The following SEC14L3 variants were observed in gnomAD, a reference collection of about 807,000 sequenced individuals.
SEC14L3 encodes the protein SEC14-like protein 3.
SEC14L3 carries 56 observed loss-of-function variants against 57.4 expected under a neutral mutation model. The ratio of observed to expected loss-of-function variants is 0.97; its 90% CI spans 0.79 to 1.22. The LOEUF (loss-of-function observed/expected upper bound fraction) is 1.22, where lower values mean the gene tolerates loss of function less well. Among genes scored for constraint, SEC14L3 ranks in the 50% most tolerant of loss-of-function variants. The pLI is 0.00. For synonymous variants in SEC14L3, 173 were observed against 194.4 expected (o/e 0.89, Z 0.92); for missense variants, 485 against 511.7 (o/e 0.95, Z 0.50).
At chr22:30,449,910 C>G (rs564491307) in intron 12 of SEC14L3, among the ~76,000 whole-genome samples, 1 of 152,082 alleles carries the variant, frequency 6.6e-6, no homozygotes, top group East Asian at 1.9e-4. Context: ...AGGAAATACT[C>G]CTGGATCAGG....
downstream of SEC14L3, among the ~76,000 whole-genome samples, chr22:30,457,377 C>CTTT (rs60894978): frequency 7.3e-6 from 1 of 136,656 alleles, no homozygotes; most frequent in Non-Finnish European, 1.6e-5. Context: ...TTAAGTATGT[C>CTTT]TTTTTTTTTT....
chr22:30,469,628 G>T (rs1935536276), intron 4 of SEC14L3, among the ~76,000 whole-genome samples: 1 of 152,206 alleles, frequency 6.6e-6, no homozygotes, highest in Non-Finnish European at 1.5e-5. Flanking sequence ...GCCTTAGGGG[G>T]CAGGGGTGCA....
At chr22:30,455,074 A>T (rs867368597), downstream of SEC14L3, among the ~76,000 whole-genome samples, 19 of 62,252 alleles carry the variant, frequency 3.1e-4, no homozygotes, top group South Asian at 4.4e-3. Flanking sequence ...TATAATATAT[A>T]ATATATTAAA....
At chr22:30,461,744 C>G in intron 9 of SEC14L3, 50 bp from the exon 10 acceptor site, 1 of 1,573,260 alleles carries the variant, frequency 6.4e-7, no homozygotes, top group South Asian at 1.2e-5. Context: ...GGCCATTGTT[C>G]ATGTTTCTTC....
At chr22:30,468,063 A>G (rs1168515970) in intron 5 of SEC14L3, among the ~76,000 whole-genome samples, 2 of 151,928 alleles carry the variant, frequency 1.3e-5, no homozygotes, top group African/African-American at 2.4e-5. Flanking sequence ...GGTGGATCAC[A>G]AGGTCAGGAG....
intron 12 of SEC14L3, among the ~76,000 whole-genome samples, chr22:30,453,937 G>A (rs1397909938): frequency 1.3e-5 from 2 of 152,174 alleles, no homozygotes; most frequent in East Asian, 1.9e-4. Context: ...AGGGGGCCTA[G>A]GCACTAACAG....
exon 13 of SEC14L3, chr22:30,449,091 T>C: frequency 6.4e-7 from 1 of 1,550,564 alleles, no homozygotes; most frequent in Non-Finnish European, 8.7e-7. Flanking sequence ...CAAAAATTAG[T>C]TACTGGCAGG....
chr22:30,471,762 T>C (rs929422127), intron 1 of SEC14L3, 143 bp downstream of exon 1: 5 of 1,214,364 alleles, frequency 4.1e-6, no homozygotes, highest in Non-Finnish European at 5.9e-6. Flanking sequence ...ACCGTGGGGC[T>C]TGACCCTTTG....
rs1478788492 is a variant in SEC14L3 at position 30,470,593 on chromosome 22, A to T, written c.55-11T>A. 1 of 1,614,142 alleles carries T rather than the reference A, an allele frequency of 6.2e-7. No individual in the cohort carries two copies. On this transcript the variant is annotated splice_polypyrimidine_tract_variant and intron_variant, in intron 1 of 11. Coordinates refer to ENST00000215812, the MANE Select transcript of SEC14L3 (RefSeq NM_174975.5). ...GACGTTTTCTCGGAACTGGCAAGAG[A>T]GATGCTGGTTAAAGTGGCTCTCTCA...
At chr22:30,458,316 G>A (rs1935154717), downstream of SEC14L3, among the ~76,000 whole-genome samples, 1 of 152,170 alleles carries the variant, frequency 6.6e-6, no homozygotes, top group Non-Finnish European at 1.5e-5. Context: ...GATGCCATGT[G>A]AGCAGCGGAC....
At chr22:30,465,590 A>G (rs571919341) in intron 7 of SEC14L3, among the ~76,000 whole-genome samples, 8 of 152,330 alleles carry the variant, frequency 5.3e-5, no homozygotes, top group African/African-American at 1.9e-4. Context: ...CCAAACAACA[A>G]ACCAGGCAAC....
At position 30,459,313 on chromosome 22, in the gene SEC14L3, A is replaced by G. The variant is rs896119809; in HGVS notation, c.*708T>C. 2.0e-6 allele frequency: 2 copies of G among 985,340 alleles called. No homozygotes were observed. The highest frequency in any genetic ancestry group is 1.7e-5 in the African/African-American group (1 of 57,250). 61.0% of individuals were successfully genotyped at this position (985,340 alleles called of 1,614,324 possible). A position where few individuals can be genotyped will look rare whatever the true frequency, so the allele number is the denominator to read the frequency against. On this transcript the variant is annotated 3_prime_UTR_variant, in exon 12 of 12. Transcript: ENST00000215812. ...GTCCCTAAAACATAAGCTATGTGCA[A>G]CAAGGGAAGTGGGTTAGGGTGGGAA...
At position 30,448,911 on chromosome 22, in the gene SEC14L3, C is replaced by T. The variant is rs1380760456; in HGVS notation, c.*176G>A. The T allele has an allele frequency of 1.5e-5, 9 of 605,124 alleles. No individual in the cohort carries two copies. In the South Asian group the frequency reaches 1.5e-4, roughly 10 times the overall value. The allele number at this position is 605,124 out of a possible 1,614,324, so 37.5% of individuals were successfully genotyped here. On this transcript the variant is annotated 3_prime_UTR_variant, in exon 13 of 13. Transcript: ENST00000403066. ...TGTCTCTAAAAAACAAACAAACAAA[C>T]CTCCAAAACTTCTTTCCCTTCCTTG...
At chr22:30,448,970 C>T (rs1051624275) in exon 13 of SEC14L3, 2 of 942,668 alleles carry the variant, frequency 2.1e-6, no homozygotes, top group Non-Finnish European at 3.2e-6. Flanking sequence ...TAGATAACCC[C>T]TCTTAGAAGC....
At chr22:30,455,062 T>C (rs1176420081), downstream of SEC14L3, among the ~76,000 whole-genome samples, 2 of 35,218 alleles carry the variant, frequency 5.7e-5, no homozygotes, top group Non-Finnish European at 8.0e-5. Context: ...CAATATATTA[T>C]ATATAATATA....
At position 30,459,800 on chromosome 22, in the gene SEC14L3, CT is replaced by C. The variant is rs1935193486; in HGVS notation, c.*220del. 8.1e-7 allele frequency: 1 copy of C among 1,227,022 alleles called. No homozygotes were observed. The highest frequency in any genetic ancestry group is 3.3e-5 in the East Asian group (1 of 30,518). 76.0% of individuals were successfully genotyped at this position (1,227,022 alleles called of 1,614,324 possible). ...CACCCACTTCTTGCCTTTACCCTTG[CT>C]TTTTCCTCTTCTGCAACCTTGGTAC... On this transcript the variant is annotated 3_prime_UTR_variant, in exon 12 of 12. Coordinates refer to ENST00000215812, the MANE Select transcript of SEC14L3 (RefSeq NM_174975.5).
chr22:30,448,772 G>A (rs1934926504), exon 13 of SEC14L3: 1 of 266,632 alleles, frequency 3.8e-6, no homozygotes, highest in Non-Finnish European at 7.1e-6. Flanking sequence ...TGTACCTGTG[G>A]TCTCAGCCAC....
chr22:30,457,377 CTTTTTT>C (rs60894978), downstream of SEC14L3, among the ~76,000 whole-genome samples: 1,512 of 136,616 alleles, frequency 0.011, 60 homozygotes, highest in African/African-American at 0.027. Flanking sequence ...TTAAGTATGT[CTTTTTT>C]TTTTTTTTTT....
chr22:30,450,565 A>AT (rs1934961932), intron 12 of SEC14L3, among the ~76,000 whole-genome samples: 1 of 152,074 alleles, frequency 6.6e-6, no homozygotes, highest in Non-Finnish European at 1.5e-5. Flanking sequence ...TGCCTTCCAA[A>AT]GTGCTGGGAT....
Sources: gnomAD v4.1 joint callset for allele counts (sites outside exome capture counted in the v4.1 genomes callset) on GRCh38, gnomAD v4.1.1 for gene constraint, MANE v1.5 for transcripts, NCBI Gene and HGNC (gene_info 2026-07-23, HGNC 2026-07-21) for gene names.